DCHS2: variants seen among roughly 807,000 people sequenced by gnomAD.
DCHS2 encodes the protein dachsous cadherin-related 2, also known as protocadherin-23.
DCHS2 carries 142 observed loss-of-function variants against 182.4 expected under a neutral mutation model. The observed-to-expected ratio is 0.78, with a 90% CI of 0.68 to 0.89. DCHS2 has a LOEUF of 0.89. DCHS2 is among the 40% of genes least tolerant of loss of function. The probability of loss-of-function intolerance (pLI) is 0.00; values close to 1 mark genes in which losing one functional copy is unlikely to be tolerated. For synonymous variants in DCHS2, 1,740 were observed against 1,663.3 expected (o/e 1.05, Z -1.12); for missense variants, 4,319 against 4,198.6 (o/e 1.03, Z -0.79).
chr4:154,378,166 T>C (rs548843890), intron 1 of DCHS2, among the ~76,000 whole-genome samples: 1 of 152,234 alleles, frequency 6.6e-6, no homozygotes, highest in African/African-American at 2.4e-5. Flanking sequence ...TATTTTGCCA[T>C]ACGTACCACT....
At chr4:154,483,811 T>C (rs557289710) in intron 1 of DCHS2, among the ~76,000 whole-genome samples, 1 of 152,136 alleles carries the variant, frequency 6.6e-6, no homozygotes, top group Non-Finnish European at 1.5e-5. Flanking sequence ...CAACATCATA[T>C]GAGTCGCAAG....
rs1736095813 is a variant in DCHS2 at position 154,322,404 on chromosome 4, GAAGGTCTATAATCATACGA to G, written c.4084_4102del (p.Ser1362ProfsTer4). 1.2e-6 allele frequency: 2 copies of G among 1,613,790 alleles called. No individual in the cohort carries two copies. The highest frequency in any genetic ancestry group is 4.5e-5 in the East Asian group (2 of 44,840). On this transcript the variant is annotated frameshift_variant, in exon 8 of 20. Coordinates refer to ENST00000357232, the MANE Select transcript of DCHS2 (RefSeq NM_001358235.2). LOFTEE classifies it high-confidence loss of function. The stretch of plus-strand genomic sequence containing the variant: ...AGTGGCAATGACACTCATTCTGTAG[GAAGGTCTATAATCATACGA>G]AAGTATTGTGGTTGTTCTTATTTCA...
intron 12 of DCHS2, among the ~76,000 whole-genome samples, chr4:154,301,097 C>G (rs925728231): frequency 2.0e-5 from 3 of 152,174 alleles, no homozygotes; most frequent in African/African-American, 7.2e-5. Flanking sequence ...CCTTTATAAG[C>G]ACTCTTCTTG....
At chr4:154,374,452 A>G (rs1366072185) in intron 2 of DCHS2, 2 of 152,366 alleles carry the variant, frequency 1.3e-5, no homozygotes, top group Non-Finnish European at 2.9e-5. Context: ...TTGGGTGTGC[A>G]TCTATTGGGC....
chr4:154,377,570 T>C (rs536266985), intron 1 of DCHS2, 126 bp from the exon 2 acceptor site: 17 of 670,774 alleles, frequency 2.5e-5, no homozygotes, highest in South Asian at 6.8e-5. Context: ...GCCTAGGCTT[T>C]GGTTTCATAT....
In DCHS2 at chr4:154,235,664, G is replaced by C. The variant is rs1188735845; in HGVS notation, c.8988C>G (p.Ile2996Met). The C allele has an allele frequency of 6.2e-7, 1 of 1,613,932 alleles. No individual in the cohort carries two copies. The highest frequency in any genetic ancestry group is 1.3e-5 in the African/African-American group (1 of 75,034). ...PLAVFASSFSISLVVSFLVFL... is the reference protein window; with the variant it reads ...PLAVFASSFSMSLVVSFLVFL... ...ACACTAAAAAGGAGACCACCAGGCT[G>C]ATTGAAAAGCTGCTGGCGAACACTG... The change falls in exon 20 of 20, where the codon ATC becomes ATG. Residue 2996 changes from isoleucine to methionine, a missense_variant. Transcript: ENST00000357232.
chr4:154,454,573 G>A (rs564186852), intron 1 of DCHS2, among the ~76,000 whole-genome samples: 38 of 152,074 alleles, frequency 2.5e-4, no homozygotes, highest in African/African-American at 9.2e-4. Context: ...ATTTTGTTTC[G>A]ATAGCACCCT....
At chr4:154,336,330 G>A (rs1728807237) in intron 3 of DCHS2, among the ~76,000 whole-genome samples, 1 of 152,188 alleles carries the variant, frequency 6.6e-6, no homozygotes, top group Admixed American at 6.5e-5. Context: ...TTAAAAACCT[G>A]AAAACGGATC....
chr4:154,321,104 T>G lies in DCHS2; in HGVS notation c.4295A>C (p.Gln1432Pro), dbSNP rs1736045445. 6.2e-7 allele frequency: 1 copy of G among 1,608,006 alleles called. No homozygotes were observed. Among genetic ancestry groups the G allele is most frequent in the African/African-American group, 1.3e-5 (1 of 74,914 alleles). Residue 1432 changes from glutamine (Q) to proline (P), a missense_variant, in exon 9 of 20, where the codon CAA (glutamine) becomes CCA (proline). By Grantham distance (76) the Gln-to-Pro change is moderately conservative (BLOSUM62 -1). Coordinates refer to ENST00000357232, the MANE Select transcript of DCHS2 (RefSeq NM_001358235.2). ...MSLIKSSDHL[Q>P]QHYNGKLHFS... ...ATGTAACTTTCCATTATAATGTTGT[T>G]GAAGGTGATCAGATGACTTTATCAA...
chr4:154,276,373 C>T (rs1026230729), intron 13 of DCHS2, among the ~76,000 whole-genome samples: 1 of 151,860 alleles, frequency 6.6e-6, no homozygotes, highest in African/African-American at 2.4e-5. Flanking sequence ...AAACTCTGAC[C>T]GCTCACAGCA....
intron 16 of DCHS2, among the ~76,000 whole-genome samples, chr4:154,247,869 A>T (rs1189367585): frequency 6.6e-6 from 1 of 152,170 alleles, no homozygotes; most frequent in Non-Finnish European, 1.5e-5. Flanking sequence ...TTTCCTGCAA[A>T]CCTATTGGAA....
intron 1 of DCHS2, among the ~76,000 whole-genome samples, chr4:154,447,564 G>A (rs1734354464): frequency 6.6e-6 from 1 of 152,092 alleles, no homozygotes; most frequent in Non-Finnish European, 1.5e-5. Flanking sequence ...ACTTTCAAAT[G>A]GATTTGGATT....
chr4:154,470,831 A>G lies in DCHS2; in HGVS notation c.2052+18473T>C, dbSNP rs561677454. 4.6e-5 allele frequency among the ~76,000 whole-genome samples: 7 copies of G among 152,262 alleles called. No homozygotes were observed. In the South Asian group the frequency reaches 1.5e-3, roughly 32 times the overall value. On this transcript the variant is annotated intron_variant, in intron 1 of 19. Transcript: ENST00000357232. ...TCTGAAAAAGATTTTACCACCTACCACCATACTTTTCCCTTTGTAATACTT... is the reference window on the plus strand; with the variant it reads ...TCTGAAAAAGATTTTACCACCTACCGCCATACTTTTCCCTTTGTAATACTT...
chr4:154,456,484 A>T (rs1010487878), intron 1 of DCHS2, among the ~76,000 whole-genome samples: 1 of 152,198 alleles, frequency 6.6e-6, no homozygotes, highest in Admixed American at 6.5e-5. Flanking sequence ...CAGATATGAC[A>T]CGCTGCTGTG....
At chr4:154,445,007 G>C (rs547885493) in intron 1 of DCHS2, among the ~76,000 whole-genome samples, 112 of 152,250 alleles carry the variant, frequency 7.4e-4, no homozygotes, top group South Asian at 1.7e-3. Flanking sequence ...ACCACACTCA[G>C]GTCTTGGACC....
Position 154,491,383 on chromosome 4 carries a change from T to C in DCHS2, c.-28A>G. 1 of 1,479,296 alleles carries C rather than the reference T, an allele frequency of 6.8e-7. No homozygotes were observed. Among genetic ancestry groups the C allele is most frequent in the Non-Finnish European group, 9.0e-7 (1 of 1,111,430 alleles). 91.6% of individuals were successfully genotyped at this position (1,479,296 alleles called of 1,614,324 possible). A position where few individuals can be genotyped will look rare whatever the true frequency, so the allele number is the denominator to read the frequency against. On this transcript the variant is annotated 5_prime_UTR_variant, in exon 1 of 20. Coordinates refer to ENST00000357232, the MANE Select transcript of DCHS2 (RefSeq NM_001358235.2). ...CTCCTCCAGCTCCTTGGGAAGGCTC[T>C]CGGGTAACTGCCAGCTTGTGGCAGG...
intron 1 of DCHS2, among the ~76,000 whole-genome samples, chr4:154,485,987 G>C (rs994506444): frequency 6.6e-6 from 1 of 152,194 alleles, no homozygotes; most frequent in African/African-American, 2.4e-5. Flanking sequence ...AAATCTCTGG[G>C]TGTCTGCAGA....
At chr4:154,389,514 G>GATTATATATATATATATATAT (rs1561084765) in intron 1 of DCHS2, among the ~76,000 whole-genome samples, 2 of 45,798 alleles carry the variant, frequency 4.4e-5, no homozygotes, top group African/African-American at 1.3e-4. Flanking sequence ...TAAAGACAAA[G>GATTATATATATATATATATAT]GTTATATATA....
rs140445483 is a variant in DCHS2 at position 154,405,208 on chromosome 4, G to A, written c.2053-27764C>T. Among the ~76,000 whole-genome samples, 4 of 152,120 alleles carry A rather than the reference G, an allele frequency of 2.6e-5. No homozygotes were observed. In the East Asian group the frequency reaches 7.7e-4, roughly 29 times the overall value. On this transcript the variant is annotated intron_variant, in intron 1 of 19. Transcript: ENST00000357232. ...GAGGTTGCAAGTGAGCTGAGATCACGCCATTGCACTCCATCCTGGGCAACA... is the reference window on the plus strand; with the variant it reads ...GAGGTTGCAAGTGAGCTGAGATCACACCATTGCACTCCATCCTGGGCAACA...
Sources: allele counts gnomAD v4.1 joint callset (sites outside exome capture counted in the v4.1 genomes callset), GRCh38; gene constraint gnomAD v4.1.1; transcripts MANE v1.5; gene names NCBI Gene and HGNC (gene_info 2026-07-23, HGNC 2026-07-21).